Variants in TOPAZ1 observed in about 807,000 individuals in gnomAD.
The protein encoded by TOPAZ1 is testis and ovary specific TOPAZ 1.
Under a neutral mutation model 172.2 loss-of-function variants are expected in TOPAZ1, and 66 were observed. The observed-to-expected ratio is 0.38, with a 90% CI of 0.31 to 0.47. TOPAZ1 has a LOEUF of 0.47. TOPAZ1 is among the 20% of genes least tolerant of loss of function. The pLI is 0.99. For missense variants in TOPAZ1, 1,822 were observed against 1,972.4 expected, an observed-to-expected ratio of 0.92 and a Z score of 1.44; for synonymous variants, 681 against 683.9, an observed-to-expected ratio of 1.00 and a Z score of 0.07.
chr3:44,294,105 T>C (rs1700168956), intron 12 of TOPAZ1, among the ~76,000 whole-genome samples: 1 of 152,050 alleles, frequency 6.6e-6, no homozygotes, highest in South Asian at 2.1e-4. Context: ...CCAGTTGTAG[T>C]GGTGCACGCC....
intron 12 of TOPAZ1, among the ~76,000 whole-genome samples, chr3:44,295,321 A>C (rs1398821535): frequency 6.6e-6 from 1 of 152,308 alleles, no homozygotes; most frequent in African/African-American, 2.4e-5. Context: ...CCAATACAGT[A>C]GATGAATAAT....
intron 12 of TOPAZ1, among the ~76,000 whole-genome samples, chr3:44,297,068 G>A (rs556083040): frequency 7.3e-5 from 11 of 151,236 alleles, no homozygotes; most frequent in African/African-American, 2.7e-4. Context: ...CTACTTGATA[G>A]GCTAAGGCAG....
rs968451326 is a variant in TOPAZ1 at position 44,245,166 on chromosome 3, A to G, written c.2660A>G (p.Glu887Gly). Residue 887 changes from glutamate (E) to glycine (G), a missense_variant, in exon 2 of 20, where the codon GAG (glutamate) becomes GGG (glycine). By Grantham distance (98) the Glu-to-Gly change is moderately conservative. Coordinates refer to ENST00000309765, the MANE Select transcript of TOPAZ1 (RefSeq NM_001145030.2). ...SNEGELSFTS[E>G]VPKISQEPNV... ...GAAGGGGAGCTCTCATTTACTTCTG[A>G]GGTCCCAAAGATAAGCCAGGAGCCC... The G allele has an allele frequency of 3.2e-6, 5 of 1,551,866 alleles. No individual in the cohort carries two copies. The Admixed American group carries it at 9.8e-5, about 30-fold the overall frequency.
At chr3:44,253,381 A>T (rs1699657954) in intron 2 of TOPAZ1, among the ~76,000 whole-genome samples, 1 of 152,212 alleles carries the variant, frequency 6.6e-6, no homozygotes, top group East Asian at 1.9e-4. Context: ...GAGCTATTGT[A>T]ATAAGCCAAA....
intron 12 of TOPAZ1, among the ~76,000 whole-genome samples, chr3:44,295,033 T>C (rs1339371634): frequency 6.6e-6 from 1 of 152,232 alleles, no homozygotes; most frequent in Non-Finnish European, 1.5e-5. Flanking sequence ...ATTAGTTACT[T>C]TTTGTTTATC....
At chr3:44,245,587 A>C (rs1345251333) in intron 2 of TOPAZ1, among the ~76,000 whole-genome samples, 3 of 117,300 alleles carry the variant, frequency 2.6e-5, no homozygotes, top group Non-Finnish European at 4.9e-5. Flanking sequence ...CCCAGGCTGG[A>C]GTGCAGTGGC....
chr3:44,260,503 A>G (rs894018716), intron 4 of TOPAZ1, among the ~76,000 whole-genome samples: 1 of 152,012 alleles, frequency 6.6e-6, no homozygotes, highest in South Asian at 2.1e-4. Flanking sequence ...ATTTTCTCCC[A>G]TATTTTCTTT....
intron 3 of TOPAZ1, among the ~76,000 whole-genome samples, 182 bp from the exon 4 acceptor site, chr3:44,255,969 T>C (rs1052703453): frequency 5.3e-5 from 8 of 151,890 alleles, no homozygotes; most frequent in Non-Finnish European, 1.2e-4. Flanking sequence ...TTTTATATAA[T>C]ATAATGGAGT....
chr3:44,310,011 G>A, intron 16 of TOPAZ1, 21 bp downstream of exon 16: 1 of 1,525,872 alleles, frequency 6.6e-7, no homozygotes, highest in Non-Finnish European at 8.8e-7. Context: ...ATATATGCAA[G>A]CATAAAATAA....
At chr3:44,275,787 C>A (rs951929301) in intron 8 of TOPAZ1, among the ~76,000 whole-genome samples, 2 of 151,922 alleles carry the variant, frequency 1.3e-5, no homozygotes, top group Admixed American at 6.6e-5. Context: ...CTGTTTTCCA[C>A]AGAGGCTGCG....
Position 44,302,777 on chromosome 3 carries a change from A to G in TOPAZ1, c.3798-1238A>G, listed in dbSNP as rs1040184556. On this transcript the variant is annotated intron_variant, in intron 12 of 19. Transcript: ENST00000309765. ...ATAAGTACTTAATATTTTGGGTGCT[A>G]TTGTGAATGAGGTTTTCTGTATTAT... Among the ~76,000 whole-genome samples the G allele has an allele frequency of 1.1e-3, 167 of 152,078 alleles. 2 individuals are homozygous for G. Among genetic ancestry groups the G allele is most frequent in the Non-Finnish European group, 3.2e-4 (22 of 68,006 alleles).
chr3:44,285,888 T>C (rs1700073062), intron 9 of TOPAZ1, among the ~76,000 whole-genome samples: 1 of 151,750 alleles, frequency 6.6e-6, no homozygotes, highest in Non-Finnish European at 1.5e-5. Flanking sequence ...TTATTTTCAA[T>C]GCAGATAATA....
chr3:44,260,437 A>G (rs1317733551), intron 4 of TOPAZ1, among the ~76,000 whole-genome samples: 4 of 152,076 alleles, frequency 2.6e-5, no homozygotes, highest in Non-Finnish European at 4.4e-5. Flanking sequence ...GTTTTCTTTT[A>G]TAATAGGAGT....
chr3:44,281,876 T>G (rs1184558170), intron 8 of TOPAZ1, 92 bp from the exon 9 acceptor site: 2 of 763,100 alleles, frequency 2.6e-6, no homozygotes, highest in Non-Finnish European at 4.1e-6. Context: ...ATTTAAAAAT[T>G]TCAATATAAG....
At chr3:44,316,370 A>C (rs1375675990) in intron 16 of TOPAZ1, among the ~76,000 whole-genome samples, 1 of 152,228 alleles carries the variant, frequency 6.6e-6, no homozygotes, top group Non-Finnish European at 1.5e-5. Context: ...AATTTTTTAA[A>C]ATACAATTAT....
chr3:44,249,229 A>G (rs889402413), intron 2 of TOPAZ1, among the ~76,000 whole-genome samples: 2 of 146,636 alleles, frequency 1.4e-5, no homozygotes, highest in African/African-American at 2.5e-5. Context: ...GGGAATTACT[A>G]TATAGTTGGG....
chr3:44,288,035 A>G (rs1314553435), intron 11 of TOPAZ1, among the ~76,000 whole-genome samples, 196 bp downstream of exon 11: 2 of 152,086 alleles, frequency 1.3e-5, no homozygotes, highest in Non-Finnish European at 1.5e-5. Flanking sequence ...TTCCTCTTAA[A>G]TAGTTTCAGA....
At chr3:44,310,320 G>A (rs983413317) in intron 16 of TOPAZ1, among the ~76,000 whole-genome samples, 7 of 152,122 alleles carry the variant, frequency 4.6e-5, no homozygotes, top group Non-Finnish European at 1.5e-5. Flanking sequence ...CCAACATGAC[G>A]AAACCCTGTC....
chr3:44,254,617 A>G (rs1341394565), intron 2 of TOPAZ1, among the ~76,000 whole-genome samples: 1 of 125,740 alleles, frequency 8.0e-6, no homozygotes, highest in Non-Finnish European at 1.6e-5. Context: ...ACAAGAGCGA[A>G]ACTCCGTCTC....
Sources: gnomAD v4.1 joint callset for allele counts (sites outside exome capture counted in the v4.1 genomes callset) on GRCh38, gnomAD v4.1.1 for gene constraint, MANE v1.5 for transcripts, NCBI Gene and HGNC (gene_info 2026-07-23, HGNC 2026-07-21) for gene names.